The following CDK14 variants were observed in gnomAD, a reference collection of about 807,000 sequenced individuals.
CDK14 encodes the protein cyclin dependent kinase 14, also known as cyclin-dependent kinase 14.
A neutral mutation model predicts 60.7 loss-of-function variants in CDK14; 34 were observed. That is an observed-to-expected ratio of 0.56 (90% CI 0.43 to 0.75). The LOEUF (loss-of-function observed/expected upper bound fraction) is 0.75. CDK14 is among the 30% of genes least tolerant of loss of function. The pLI, the probability that CDK14 is intolerant of heterozygous loss-of-function variation, is 0.00. For missense variants in CDK14, 482 were observed against 564.1 expected (o/e 0.85, Z 1.47); for synonymous variants, 197 against 203.7 (o/e 0.97, Z 0.28).
chr7:91,123,467 AC>A, intron 14 of CDK14, among the ~76,000 whole-genome samples: 1 of 152,200 alleles, frequency 6.6e-6, no homozygotes, highest in Non-Finnish European at 1.5e-5. Context: ...TGTTACCATT[AC>A]CCCCACATGA....
intron 9 of CDK14, among the ~76,000 whole-genome samples, chr7:90,963,121 G>GTGTGTGTA (rs1267435147): frequency 1.4e-5 from 2 of 142,232 alleles, no homozygotes; most frequent in African/African-American, 5.2e-5. Flanking sequence ...GTGTGTGTGT[G>GTGTGTGTA]TGTTTTAATT....
At chr7:91,189,691 A>T (rs1454719089) in intron 14 of CDK14, among the ~76,000 whole-genome samples, 1 of 152,206 alleles carries the variant, frequency 6.6e-6, no homozygotes, top group Non-Finnish European at 1.5e-5. Flanking sequence ...GTGTCGATGT[A>T]TCCAGTACTA....
chr7:91,088,313 TACCCTAAGG>T (rs1798697304), intron 12 of CDK14, among the ~76,000 whole-genome samples: 1 of 152,146 alleles, frequency 6.6e-6, no homozygotes, highest in Non-Finnish European at 1.5e-5. Context: ...GCCACATCCA[TACCCTAAGG>T]CACAGATCCC....
chr7:90,922,938 C>T (rs1446053798), intron 8 of CDK14, among the ~76,000 whole-genome samples: 2 of 151,924 alleles, frequency 1.3e-5, no homozygotes, highest in Non-Finnish European at 2.9e-5. Context: ...GCACAGCCTC[C>T]CCCACTATTA....
intron 10 of CDK14, among the ~76,000 whole-genome samples, chr7:91,041,348 T>A (rs1285334349): frequency 6.6e-6 from 1 of 152,184 alleles, no homozygotes; most frequent in Non-Finnish European, 1.5e-5. Context: ...TTTCTCCCTC[T>A]GAAATTCCTC....
At chr7:90,859,731 C>A (rs1476113824) in intron 5 of CDK14, among the ~76,000 whole-genome samples, 1 of 152,090 alleles carries the variant, frequency 6.6e-6, no homozygotes, top group Non-Finnish European at 1.5e-5. Flanking sequence ...AATAACACAT[C>A]ATTACCCAAA....
chr7:90,596,798 A>G, intron 1 of CDK14, 80 bp downstream of exon 1: 1 of 1,207,244 alleles, frequency 8.3e-7, no homozygotes, highest in South Asian at 1.3e-5. Context: ...GGCACCAGCC[A>G]TGCAGCTGCC....
At chr7:90,657,868 T>C (rs766307018) in intron 2 of CDK14, among the ~76,000 whole-genome samples, 5 of 152,216 alleles carry the variant, frequency 3.3e-5, no homozygotes, top group Non-Finnish European at 7.4e-5. Context: ...TATTTTACCA[T>C]GAGGAGACCA....
rs552562604 is a variant in CDK14, at chr7:90,661,314, T to A, written c.123+57065T>A. Reference sequence around the variant, plus strand: ...TTAGAAGTGTGTTGAGCAGGGCCACTGTAGTGTACAACTCTGAGGGACACT... The same window carrying A: ...TTAGAAGTGTGTTGAGCAGGGCCACAGTAGTGTACAACTCTGAGGGACACT... On this transcript the variant is annotated intron_variant, in intron 2 of 14. Transcript: ENST00000380050. Among the ~76,000 whole-genome samples the A allele has an allele frequency of 1.9e-4, 29 of 152,348 alleles. No homozygotes were observed. In the South Asian group the frequency reaches 6.0e-3, roughly 32 times the overall value.
chr7:90,955,470 G>C (rs1052943194), intron 8 of CDK14, among the ~76,000 whole-genome samples: 1 of 152,106 alleles, frequency 6.6e-6, no homozygotes, highest in African/African-American at 2.4e-5. Context: ...TTAGATTCAT[G>C]ACATCAGTGC....
At chr7:90,855,455 A>G (rs992176410) in intron 5 of CDK14, among the ~76,000 whole-genome samples, 2 of 152,220 alleles carry the variant, frequency 1.3e-5, no homozygotes, top group African/African-American at 4.8e-5. Context: ...CCTTTTTAGT[A>G]TAAAAGCAAT....
At chr7:91,197,999 T>C (rs908198017) in intron 14 of CDK14, among the ~76,000 whole-genome samples, 5 of 152,168 alleles carry the variant, frequency 3.3e-5, no homozygotes, top group African/African-American at 1.2e-4. Context: ...GTGAAGCAGG[T>C]ACATGGGAGG....
At chr7:90,902,648 C>T (rs1026824728) in intron 7 of CDK14, among the ~76,000 whole-genome samples, 3 of 152,062 alleles carry the variant, frequency 2.0e-5, no homozygotes, top group Non-Finnish European at 4.4e-5. Context: ...AACTATTGAA[C>T]TCATGCAAGA....
chr7:91,153,353 C>A (rs1026007757), intron 14 of CDK14, among the ~76,000 whole-genome samples: 1 of 152,086 alleles, frequency 6.6e-6, no homozygotes, highest in Admixed American at 6.6e-5. Context: ...GAGCTAAAAG[C>A]AGAACTGTCA....
At chr7:90,811,190 G>C (rs182820928) in intron 5 of CDK14, among the ~76,000 whole-genome samples, 2,335 of 152,238 alleles carry the variant, frequency 0.015, 50 homozygotes, top group African/African-American at 0.052. Flanking sequence ...CAAAGCTGGA[G>C]GCATCATGCT....
At chr7:91,100,156 C>T (rs901279407) in intron 12 of CDK14, among the ~76,000 whole-genome samples, 1 of 151,932 alleles carries the variant, frequency 6.6e-6, no homozygotes, top group Non-Finnish European at 1.5e-5. Flanking sequence ...TTTGTACTAC[C>T]CCATATATGA....
intron 2 of CDK14, among the ~76,000 whole-genome samples, chr7:90,708,237 A>G (rs909541249): frequency 6.6e-6 from 1 of 152,178 alleles, no homozygotes; most frequent in African/African-American, 2.4e-5. Flanking sequence ...AATGGGGAAA[A>G]TGCCAACAGT....
At chr7:90,632,028 A>T (rs1245542806) in intron 2 of CDK14, 1 of 152,448 alleles carries the variant, frequency 6.6e-6, no homozygotes, top group Non-Finnish European at 1.5e-5. Flanking sequence ...TAGACCAAAA[A>T]AAAATTAGAC....
chr7:90,741,503 A>T (rs1240994228), intron 3 of CDK14, among the ~76,000 whole-genome samples: 1 of 152,186 alleles, frequency 6.6e-6, no homozygotes, highest in Non-Finnish European at 1.5e-5. Context: ...GTTGACTTCA[A>T]CCATTGAGCC....
Sources: allele counts gnomAD v4.1 joint callset (sites outside exome capture counted in the v4.1 genomes callset), GRCh38; gene constraint gnomAD v4.1.1; transcripts MANE v1.5; gene names NCBI Gene and HGNC (gene_info 2026-07-23, HGNC 2026-07-21).